Variants in VAC14 observed in about 807,000 individuals in gnomAD.
VAC14 encodes protein VAC14 homolog.
In VAC14, 47 loss-of-function variants were observed where a neutral mutation model predicts 85.3. The ratio of observed to expected loss-of-function variants is 0.55; its 90% CI spans 0.44 to 0.70. The LOEUF is 0.70. VAC14 is among the 30% of genes least tolerant of loss of function. The pLI, the probability that VAC14 is intolerant of heterozygous loss-of-function variation, is 0.00. For missense variants in VAC14, 861 were observed against 1,004.3 expected (o/e 0.86, Z 1.93); for synonymous variants, 447 against 430.5 (o/e 1.04, Z -0.47).
At chr16:70,777,852 C>G (rs2033600778) in intron 9 of VAC14, among the ~76,000 whole-genome samples, 1 of 152,174 alleles carries the variant, frequency 6.6e-6, no homozygotes, top group Non-Finnish European at 1.5e-5. Context: ...AGAGTGGGAA[C>G]AGAGGGAGCA....
intron 14 of VAC14, among the ~76,000 whole-genome samples, chr16:70,706,513 T>C (rs1479137217): frequency 6.6e-6 from 1 of 152,140 alleles, no homozygotes; most frequent in Non-Finnish European, 1.5e-5. Flanking sequence ...GGCGAGCCCT[T>C]GTTTATTTTC....
At chr16:70,739,837 C>T (rs1404892302) in intron 13 of VAC14, among the ~76,000 whole-genome samples, 1 of 152,218 alleles carries the variant, frequency 6.6e-6, no homozygotes, top group Non-Finnish European at 1.5e-5. Flanking sequence ...GGCTACAATA[C>T]ACTGTCCTGG....
intron 13 of VAC14, among the ~76,000 whole-genome samples, chr16:70,737,390 A>G (rs1286434110): frequency 6.6e-6 from 1 of 151,820 alleles, no homozygotes; most frequent in African/African-American, 2.4e-5. Flanking sequence ...GGCGAGGGAG[A>G]GGGGGGCCCA....
rs548969774 is a variant in VAC14 at position 70,785,405 on chromosome 16, T to C, written c.423+297A>G. Among the ~76,000 whole-genome samples the C allele has an allele frequency of 1.2e-4, 19 of 152,378 alleles. No individual in the cohort carries two copies. The East Asian group carries it at 3.7e-3, about 29-fold the overall frequency. ...TACGGTCTGGATGATGGCGTCAGCATCATCCCCTTCTACCAGGGAGGCGAG... is the reference window on the plus strand; with the variant it reads ...TACGGTCTGGATGATGGCGTCAGCACCATCCCCTTCTACCAGGGAGGCGAG... On this transcript the variant is annotated intron_variant, in intron 3 of 18. Transcript: ENST00000261776.
chr16:70,692,184 C>A, intron 18 of VAC14: 1 of 739,636 alleles, frequency 1.4e-6, no homozygotes, highest in Non-Finnish European at 1.6e-6. Flanking sequence ...TGGGAGCCGG[C>A]ACTCCTCTGA....
At chr16:70,709,726 T>A (rs373297757) in intron 14 of VAC14, among the ~76,000 whole-genome samples, 1 of 152,138 alleles carries the variant, frequency 6.6e-6, no homozygotes, top group Non-Finnish European at 1.5e-5. Context: ...AGCTCCTGAG[T>A]ATGGGAGTCA....
Position 70,688,050 on chromosome 16 carries a change from A to T in VAC14, c.2227T>A (p.Ser743Thr). Reference protein sequence around the residue: ...KAAPKSQKADSPSIDYAELLQ... With the variant: ...KAAPKSQKADTPSIDYAELLQ... ...AGCTCTGCGTAGTCGATGCTAGGGG[A>T]GTCAGCTTTCTGGGACTTGGGGGCT... Residue 743 changes from serine to threonine, a missense_variant, in exon 19 of 19, where the codon TCC becomes ACC. This residue lies in a region of VAC14 where 163 missense variants were observed against 162.2 expected (regional missense o/e 1.00). Coordinates refer to ENST00000261776, the MANE Select transcript of VAC14 (RefSeq NM_018052.5). 1 of 1,595,564 alleles carries T rather than the reference A, an allele frequency of 6.3e-7. No homozygotes were observed. The highest frequency in any genetic ancestry group is 1.7e-4 in the Middle Eastern group (1 of 5,996).
chr16:70,744,676 G>T, intron 12 of VAC14, 97 bp from the exon 13 acceptor site: 2 of 1,428,160 alleles, frequency 1.4e-6, no homozygotes, highest in Non-Finnish European at 9.3e-7. Flanking sequence ...CACCTGCAGG[G>T]GTGGGAGGGG....
chr16:70,778,807 G>A (rs566727096), intron 9 of VAC14: 2 of 152,154 alleles, frequency 1.3e-5, no homozygotes, highest in Non-Finnish European at 2.9e-5. Flanking sequence ...GGATAGTCTT[G>A]TTTCTTTGCA....
At chr16:70,691,473 A>T (rs1198178106) in intron 18 of VAC14, 7 of 985,262 alleles carry the variant, frequency 7.1e-6, no homozygotes, top group Non-Finnish European at 8.4e-6. Flanking sequence ...CCTCTCTCGG[A>T]GTCTCTCGGG....
intron 12 of VAC14, among the ~76,000 whole-genome samples, chr16:70,749,369 G>A (rs1222393216): frequency 1.3e-5 from 2 of 152,252 alleles, no homozygotes; most frequent in Non-Finnish European, 2.9e-5. Flanking sequence ...ATTTTAGAAA[G>A]TTTAACACCA....
chr16:70,704,721 G>C (rs181016795), intron 14 of VAC14, among the ~76,000 whole-genome samples: 2 of 152,230 alleles, frequency 1.3e-5, no homozygotes, highest in Admixed American at 1.3e-4. Context: ...TTAGAGGCTA[G>C]GGACAGCCGG....
At chr16:70,777,450 A>G (rs879472586) in intron 9 of VAC14, among the ~76,000 whole-genome samples, 6 of 152,242 alleles carry the variant, frequency 3.9e-5, no homozygotes, top group Non-Finnish European at 8.8e-5. Context: ...CAGCAGAGCC[A>G]GGACTCATAG....
Position 70,762,595 on chromosome 16 carries a change from T to G in VAC14, c.1316A>C (p.His439Pro), listed in dbSNP as rs1376958467. The change falls in exon 12 of 19, where the codon CAC (histidine) becomes CCC (proline). Residue 439 changes from histidine (H) to proline (P), a missense_variant. His to Pro is a moderately conservative substitution (Grantham distance 77). Around this residue, in one of 3 missense-constraint regions of VAC14, gnomAD observed 629 missense variants for 703.1 expected, o/e 0.89. Transcript: ENST00000261776. This position sits in a 1 kb window ranked among gnomAD's most constrained non-coding sequence, Gnocchi z 4.1. ...YIKTPRKMFR[H>P]TDSLFPILLQ... The stretch of plus-strand genomic sequence containing the variant: ...TAGGATGGGAAAGAGGCTGTCCGTG[T>G]GCCGGAACATCTGGAGGGCAGAGAA... 6.2e-7 allele frequency: 1 copy of G among 1,613,994 alleles called. No individual in the cohort carries two copies. Among genetic ancestry groups the G allele is most frequent in the Non-Finnish European group, 8.5e-7 (1 of 1,180,008 alleles).
intron 1 of VAC14, among the ~76,000 whole-genome samples, chr16:70,787,431 T>A (rs535891985): frequency 6.6e-6 from 1 of 152,248 alleles, no homozygotes; most frequent in African/African-American, 2.4e-5. Flanking sequence ...GGAGGGAGGC[T>A]GCCCTCATGG....
intron 14 of VAC14, among the ~76,000 whole-genome samples, chr16:70,723,287 A>G (rs2054341154): frequency 6.6e-6 from 1 of 151,834 alleles, no homozygotes; most frequent in African/African-American, 2.4e-5. Context: ...CTTACTCCAA[A>G]ATAAAAAATA....
intron 12 of VAC14, among the ~76,000 whole-genome samples, chr16:70,758,834 C>T (rs1190773277): frequency 6.6e-6 from 1 of 152,240 alleles, no homozygotes; most frequent in African/African-American, 2.4e-5. Context: ...ATTTCTACTC[C>T]AGTGCCAGGA....
intron 13 of VAC14, among the ~76,000 whole-genome samples, chr16:70,738,013 C>G (rs1051247643): frequency 1.3e-5 from 2 of 152,212 alleles, no homozygotes; most frequent in Non-Finnish European, 1.5e-5. Flanking sequence ...AGAGGCCGCT[C>G]AGGGGAGGCA....
At chr16:70,752,673 T>TG (rs2031480987) in intron 12 of VAC14, among the ~76,000 whole-genome samples, 5 of 152,206 alleles carry the variant, frequency 3.3e-5, no homozygotes, top group Non-Finnish European at 7.3e-5. Context: ...TGTGGTTTAC[T>TG]TGCAAGCTAC....
Sources: gnomAD v4.1 joint callset for allele counts (sites outside exome capture counted in the v4.1 genomes callset) on GRCh38, gnomAD v4.1.1 for gene constraint, gnomAD v4.1.1 regional missense constraint, Gnocchi (gnomAD v3.1) non-coding constraint, MANE v1.5 for transcripts, NCBI Gene and HGNC (gene_info 2026-07-23, HGNC 2026-07-21) for gene names.